Variants in SLC14A2 observed in about 807,000 individuals in gnomAD.
SLC14A2 encodes urea transporter 2.
SLC14A2 carries 91 observed loss-of-function variants against 104.6 expected under a neutral mutation model. The observed-to-expected ratio is 0.87, with a 90% CI of 0.73 to 1.04. SLC14A2 has a LOEUF of 1.04. Ranked by LOEUF, SLC14A2 falls within the 50% of genes least tolerant of loss-of-function variation. SLC14A2 has a pLI of 0.00. For missense variants in SLC14A2, 1,189 were observed against 1,156.0 expected (o/e 1.03, Z -0.41); for synonymous variants, 476 against 466.4 (o/e 1.02, Z -0.27).
At chr18:45,236,727 G>C (rs988055290) in intron 1 of SLC14A2, among the ~76,000 whole-genome samples, 10 of 151,754 alleles carry the variant, frequency 6.6e-5, no homozygotes, top group Non-Finnish European at 1.5e-4. Context: ...ATAAACATAA[G>C]AGTACATATC....
chr18:45,178,033 A>C, the SLC14A2 span, among the ~76,000 whole-genome samples: 3 of 152,156 alleles, frequency 2.0e-5, no homozygotes, highest in African/African-American at 7.2e-5. Flanking sequence ...CAAACCCAAG[A>C]TTCTACTCAT....
At chr18:45,643,255 T>C in intron 9 of SLC14A2, 74 bp downstream of exon 9, 1 of 1,343,810 alleles carries the variant, frequency 7.4e-7, no homozygotes, top group Non-Finnish European at 1.1e-6. Flanking sequence ...GGTTGTGGGG[T>C]CTGGGAAAGG....
intron 1 of SLC14A2, among the ~76,000 whole-genome samples, chr18:45,617,612 C>T (rs73423787): frequency 0.013 from 2,051 of 152,292 alleles, 41 homozygotes; most frequent in African/African-American, 0.039. Flanking sequence ...GGACTGTTTA[C>T]CTGCCTTGTC....
At chr18:45,572,484 G>C (rs903177598) in intron 2 of SLC14A2, among the ~76,000 whole-genome samples, 8 of 152,082 alleles carry the variant, frequency 5.3e-5, no homozygotes, top group African/African-American at 1.9e-4. Context: ...CCCCATTCCT[G>C]GCAATTGATC....
rs914100134 is a variant in SLC14A2, at chr18:45,581,296, C to T, written c.-34-43335C>T. ...TGCACAGGGCTGCAGGAACAAAGGACAGGTGGGGGACAGACAGAGAAGCAA... is the reference window on the plus strand; with the variant it reads ...TGCACAGGGCTGCAGGAACAAAGGATAGGTGGGGGACAGACAGAGAAGCAA... On this transcript the variant is annotated intron_variant, in intron 2 of 20. Coordinates refer to the SLC14A2 transcript ENST00000586448. Among the ~76,000 whole-genome samples, 7 of 152,270 alleles carry T rather than the reference C, an allele frequency of 4.6e-5. 1 individual carries two copies. Among genetic ancestry groups the T allele is most frequent in the Admixed American group, 1.3e-4 (2 of 15,294 alleles).
the SLC14A2 span, among the ~76,000 whole-genome samples, chr18:45,207,773 G>C: frequency 0.035 from 5,301 of 152,092 alleles, 326 homozygotes; most frequent in African/African-American, 0.12. Flanking sequence ...AGGGTGGTTA[G>C]AAATACTTCT....
At chr18:45,509,131 C>G (rs1464330643) in intron 2 of SLC14A2, among the ~76,000 whole-genome samples, 1 of 152,126 alleles carries the variant, frequency 6.6e-6, no homozygotes, top group Non-Finnish European at 1.5e-5. Context: ...AATGAAGACT[C>G]TATGTGTCCC....
At chr18:45,407,505 G>A (rs1242559436) in intron 1 of SLC14A2, among the ~76,000 whole-genome samples, 1 of 152,162 alleles carries the variant, frequency 6.6e-6, no homozygotes, top group Non-Finnish European at 1.5e-5. Flanking sequence ...GTTCACTGGA[G>A]TAGCATCTTT....
chr18:45,238,933 CA>C (rs1208646193), intron 1 of SLC14A2, among the ~76,000 whole-genome samples: 1 of 151,792 alleles, frequency 6.6e-6, no homozygotes, highest in Non-Finnish European at 1.5e-5. Context: ...GGACAGAAGA[CA>C]AAGAAGCATT....
chr18:45,374,637 C>T (rs573695309), intron 1 of SLC14A2, among the ~76,000 whole-genome samples: 7 of 151,470 alleles, frequency 4.6e-5, no homozygotes, highest in Admixed American at 2.0e-4. Context: ...ACTAAGATCA[C>T]AAGCCAGTTA....
At chr18:45,283,740 T>G (rs904757681) in intron 1 of SLC14A2, among the ~76,000 whole-genome samples, 6 of 151,972 alleles carry the variant, frequency 3.9e-5, no homozygotes, top group African/African-American at 1.4e-4. Context: ...AGACAAGGTC[T>G]TTTTTTTAGA....
intron 2 of SLC14A2, among the ~76,000 whole-genome samples, chr18:45,499,568 G>A (rs981584726): frequency 3.9e-5 from 6 of 152,098 alleles, no homozygotes; most frequent in East Asian, 1.9e-4. Flanking sequence ...TTTGCCTTGC[G>A]GGATTGTTGT....
intron 2 of SLC14A2, among the ~76,000 whole-genome samples, chr18:45,589,430 TCTGA>T (rs2044616255): frequency 6.6e-6 from 1 of 152,140 alleles, no homozygotes; most frequent in Non-Finnish European, 1.5e-5. Flanking sequence ...GGCCAACATC[TCTGA>T]CTGTGATTTT....
At chr18:45,171,706 T>C in the SLC14A2 span, among the ~76,000 whole-genome samples, 1 of 152,190 alleles carries the variant, frequency 6.6e-6, no homozygotes, top group East Asian at 1.9e-4. Context: ...GTTCTTCCTC[T>C]TCTCCATGCT....
rs1005849670 is a variant in SLC14A2 at position 45,642,239 on chromosome 18, T to A, written c.1127-893T>A. 3.3e-5 allele frequency among the ~76,000 whole-genome samples: 5 copies of A among 152,330 alleles called. 1 individual carries two copies. The highest frequency in any genetic ancestry group is 6.5e-5 in the Admixed American group (1 of 15,304). ...CTCTTTTGTTTTTTCCCACTTATGC[T>A]TGGAGACTGAGAATGACTTCCATAT... On this transcript the variant is annotated intron_variant, in intron 8 of 19. Transcript: ENST00000255226.
At position 45,295,765 on chromosome 18, in the gene SLC14A2, A is replaced by G. The variant is rs2084912749; in HGVS notation, c.-125+82574A>G. ...CTATGGGAACTATCTGAAGGACCCCAGAAGTGAGTGAAAGACTAGATTTAC... is the reference window on the plus strand; with the variant it reads ...CTATGGGAACTATCTGAAGGACCCCGGAAGTGAGTGAAAGACTAGATTTAC... On this transcript the variant is annotated intron_variant, in intron 1 of 20. Coordinates refer to the SLC14A2 transcript ENST00000586448. Among the ~76,000 whole-genome samples, 3 of 152,334 alleles carry G rather than the reference A, an allele frequency of 2.0e-5. No individual in the cohort carries two copies. In the South Asian group the frequency reaches 6.2e-4, roughly 32 times the overall value.
intron 1 of SLC14A2, among the ~76,000 whole-genome samples, chr18:45,258,066 C>T (rs549152802): frequency 2.0e-5 from 3 of 152,288 alleles, no homozygotes; most frequent in Non-Finnish European, 4.4e-5. Context: ...TTGGCATATC[C>T]TAGACCCCCG....
At position 45,391,054 on chromosome 18, in the gene SLC14A2, T is replaced by C. The variant is rs143771957; in HGVS notation, c.-124-92179T>C. ...TTAACTCGTCATTTAACATTAGGTA[T>C]ATCTCCTAATGCTCTCCCTCCCCCC... On this transcript the variant is annotated intron_variant, in intron 1 of 20. Transcript: ENST00000586448. Among the ~76,000 whole-genome samples the C allele has an allele frequency of 1.4e-3, 217 of 152,276 alleles. 2 individuals carry two copies. The highest frequency in any genetic ancestry group is 0.01 in the Middle Eastern group (3 of 294).
rs183857615 is a variant in SLC14A2, at chr18:45,657,092, G to A, written c.1352-6693G>A. The stretch of plus-strand genomic sequence containing the variant: ...TCTCAGGAAGACTGGGGTTTTTCTT[G>A]AGGAAAGGGAGCCATGGTTTAAAGA... On this transcript the variant is annotated intron_variant, in intron 10 of 19. Coordinates refer to ENST00000255226, the MANE Select transcript of SLC14A2 (RefSeq NM_007163.4). Among the ~76,000 whole-genome samples, 55 of 152,264 alleles carry A rather than the reference G, an allele frequency of 3.6e-4. No homozygotes were observed. The East Asian group carries it at 0.01, about 28-fold the overall frequency.
Sources: allele counts gnomAD v4.1 joint callset (sites outside exome capture counted in the v4.1 genomes callset), GRCh38; gene constraint gnomAD v4.1.1; transcripts MANE v1.5; gene names NCBI Gene and HGNC (gene_info 2026-07-23, HGNC 2026-07-21).